The following SLC12A8 variants were observed in gnomAD, a reference collection of about 807,000 sequenced individuals.
The protein encoded by SLC12A8 is cation-chloride cotransporter 9.
A neutral mutation model predicts 75.6 loss-of-function variants in SLC12A8; 69 were observed. The observed-to-expected ratio is 0.91, with a 90% CI of 0.75 to 1.11. The LOEUF (loss-of-function observed/expected upper bound fraction) is 1.11. Among genes scored for constraint, SLC12A8 ranks in the 50% most tolerant of loss-of-function variants. SLC12A8 has a pLI of 0.00. For missense variants in SLC12A8, 877 were observed against 896.7 expected (o/e 0.98, Z 0.28); for synonymous variants, 365 against 372.8 (o/e 0.98, Z 0.24).
chr3:125,127,575 A>G (rs1440527101), intron 6 of SLC12A8, among the ~76,000 whole-genome samples: 1 of 152,236 alleles, frequency 6.6e-6, no homozygotes, highest in Non-Finnish European at 1.5e-5. Flanking sequence ...AATTATGAAT[A>G]TAAAATTAGG....
chr3:125,128,781 G>T (rs902822506), intron 6 of SLC12A8, among the ~76,000 whole-genome samples: 2 of 152,166 alleles, frequency 1.3e-5, no homozygotes, highest in Admixed American at 1.3e-4. Flanking sequence ...TGATCCAGCA[G>T]GTTCTTGTCC....
At chr3:125,208,219 C>T (rs1935262462) in intron 2 of SLC12A8, among the ~76,000 whole-genome samples, 1 of 152,144 alleles carries the variant, frequency 6.6e-6, no homozygotes, top group Admixed American at 6.5e-5. Flanking sequence ...CCAGACTCAC[C>T]CAGGCCTAGA....
rs772205396 is a variant in SLC12A8 at position 125,135,694 on chromosome 3, A to G, written c.711T>C (p.Phe237=). The G allele has an allele frequency of 8.9e-5, 144 of 1,609,032 alleles. No homozygotes were observed. Among genetic ancestry groups the G allele is most frequent in the Non-Finnish European group, 1.1e-4 (129 of 1,176,922 alleles). The change falls in exon 6 of 14, where the codon TTT becomes TTC. Residue 237 remains phenylalanine (F), a synonymous_variant. Transcript: ENST00000469902. The part of the protein sequence containing the change: ...YSPGESFFTV[F]GVFFPAATGV... The stretch of plus-strand genomic sequence containing the variant: ...CTGTAGCCGCTGGGAAGAAAACCCC[A>G]AAGACAGTGAAAAAAGATTCCCCCG...
intron 5 of SLC12A8, among the ~76,000 whole-genome samples, chr3:125,145,877 G>C (rs1471853494): frequency 6.6e-6 from 1 of 151,718 alleles, no homozygotes; most frequent in East Asian, 1.9e-4. Context: ...ACCCCATCTG[G>C]AGTGCAGTGG....
rs185247398 is a variant in SLC12A8, at chr3:125,091,553, C to T, written c.1807G>A (p.Val603Ile). Residue 603 changes from valine (V) to isoleucine (I), a missense_variant, in exon 12 of 14, where the codon GTT (valine) becomes ATT (isoleucine). By Grantham distance (29) the Val-to-Ile change is conservative. Coordinates refer to ENST00000469902, the MANE Select transcript of SLC12A8 (RefSeq NM_024628.6). ...ACAAACATGATGAGAAGGGACCCAA[C>T]AGCCTGTGAAAACAGAGTAGGAAGA... ...CNPWVSLLGA[V>I]GSLLIMFVIQ... 27 of 1,610,186 alleles carry T rather than the reference C, an allele frequency of 1.7e-5. No homozygotes were observed. In the African/African-American group the frequency reaches 3.1e-4, roughly 18 times the overall value.
At chr3:125,168,421 C>T (rs114751321) in intron 5 of SLC12A8, among the ~76,000 whole-genome samples, 8 of 152,190 alleles carry the variant, frequency 5.3e-5, no homozygotes, top group African/African-American at 1.4e-4. Flanking sequence ...GGTAGAGATC[C>T]GACAGGAGCT....
Position 125,156,472 on chromosome 3 carries a change from C to T in SLC12A8, c.623-20690G>A, listed in dbSNP as rs78920959. ...CTTGGACCCTTTTAAATGTTTTCAT[C>T]ATTGTTTTGGATTATAAACTAACGA... On this transcript the variant is annotated intron_variant, in intron 5 of 13. Transcript: ENST00000469902. 3.1e-4 allele frequency among the ~76,000 whole-genome samples: 47 copies of T among 152,304 alleles called. No individual in the cohort carries two copies. In the East Asian group the frequency reaches 8.9e-3, roughly 29 times the overall value.
chr3:125,163,065 A>G (rs1934209051), intron 5 of SLC12A8, among the ~76,000 whole-genome samples: 1 of 152,148 alleles, frequency 6.6e-6, no homozygotes, highest in South Asian at 2.1e-4. Context: ...GCCCTTTGGG[A>G]GGCCAAGACA....
intron 5 of SLC12A8, among the ~76,000 whole-genome samples, chr3:125,143,134 A>C (rs1480921084): frequency 6.6e-6 from 1 of 152,244 alleles, no homozygotes; most frequent in African/African-American, 2.4e-5. Context: ...TTCAAAAGAC[A>C]CGCAGAGTCA....
chr3:125,188,331 C>A (rs1041260184), intron 3 of SLC12A8, among the ~76,000 whole-genome samples: 2 of 152,186 alleles, frequency 1.3e-5, no homozygotes, highest in African/African-American at 4.8e-5. Flanking sequence ...GTACAGCCTG[C>A]AGAACTGTGA....
At chr3:125,174,069 G>A (rs188075414) in intron 5 of SLC12A8, among the ~76,000 whole-genome samples, 3 of 152,302 alleles carry the variant, frequency 2.0e-5, no homozygotes, top group Non-Finnish European at 2.9e-5. Flanking sequence ...TCCAGCCTGG[G>A]TGACAGAACA....
At chr3:125,164,198 G>A (rs1934238590) in intron 5 of SLC12A8, among the ~76,000 whole-genome samples, 2 of 152,178 alleles carry the variant, frequency 1.3e-5, no homozygotes, top group African/African-American at 2.4e-5. Flanking sequence ...CTTCCTCCAA[G>A]GGCACCCCAG....
chr3:125,107,728 T>C lies in SLC12A8; in HGVS notation c.1458A>G (p.Pro486=). ...QPRQGEGNRT[P]ESQKRKSKKA... The stretch of plus-strand genomic sequence containing the variant: ...TCTTGCTTTTCCTCTTCTGACTTTC[T>C]GGGGTCCTGTTACCCTCTCCTTGCC... The change falls in exon 10 of 14, where the codon CCA becomes CCG. Residue 486 remains proline (P), a synonymous_variant. Coordinates refer to ENST00000469902, the MANE Select transcript of SLC12A8 (RefSeq NM_024628.6). 6.2e-7 allele frequency: 1 copy of C among 1,614,164 alleles called. No homozygotes were observed. Among genetic ancestry groups the C allele is most frequent in the Non-Finnish European group, 8.5e-7 (1 of 1,180,018 alleles).
At chr3:125,177,547 T>C (rs768307370) in intron 5 of SLC12A8, among the ~76,000 whole-genome samples, 196 bp downstream of exon 5, 9 of 152,070 alleles carry the variant, frequency 5.9e-5, no homozygotes, top group Non-Finnish European at 1.2e-4. Context: ...AGGCGATGTC[T>C]GTGTGAAGAG....
At chr3:125,147,113 G>A (rs187499153) in intron 5 of SLC12A8, among the ~76,000 whole-genome samples, 21 of 152,326 alleles carry the variant, frequency 1.4e-4, no homozygotes, top group African/African-American at 4.3e-4. Flanking sequence ...TATCAAGCAC[G>A]CCCAACTTCC....
intron 6 of SLC12A8, among the ~76,000 whole-genome samples, chr3:125,121,258 A>G (rs1199455779): frequency 6.6e-6 from 1 of 152,240 alleles, no homozygotes; most frequent in East Asian, 1.9e-4. Flanking sequence ...TTCTGCAAGA[A>G]CACTAATGAA....
intron 5 of SLC12A8, among the ~76,000 whole-genome samples, chr3:125,165,185 C>T (rs1934259045): frequency 6.6e-6 from 1 of 152,214 alleles, no homozygotes; most frequent in African/African-American, 2.4e-5. Flanking sequence ...TGTAGCATCA[C>T]CCACCCCACC....
At chr3:125,180,506 A>G (rs1346381071) in intron 4 of SLC12A8, among the ~76,000 whole-genome samples, 1 of 152,164 alleles carries the variant, frequency 6.6e-6, no homozygotes, top group Non-Finnish European at 1.5e-5. Flanking sequence ...TAGCCTGGGC[A>G]ACATGGTGAA....
At chr3:125,139,391 C>G (rs978350548) in intron 5 of SLC12A8, among the ~76,000 whole-genome samples, 1 of 152,128 alleles carries the variant, frequency 6.6e-6, no homozygotes, top group South Asian at 2.1e-4. Context: ...GGGCCACTTT[C>G]CAGTGGACAA....
Sources: allele counts gnomAD v4.1 joint callset (sites outside exome capture counted in the v4.1 genomes callset), GRCh38; gene constraint gnomAD v4.1.1; transcripts MANE v1.5; gene names NCBI Gene and HGNC (gene_info 2026-07-23, HGNC 2026-07-21).